MYBPC1: variants seen among roughly 807,000 people sequenced by gnomAD.
MYBPC1 encodes myosin binding protein C1, also known as myosin-binding protein C, slow-type.
A neutral mutation model predicts 147.1 loss-of-function variants in MYBPC1; 52 were observed. The observed-to-expected ratio is 0.35, with a 90% CI of 0.28 to 0.45. The LOEUF (loss-of-function observed/expected upper bound fraction) is 0.45. Ranked by LOEUF, MYBPC1 falls within the 20% of genes least tolerant of loss-of-function variation. The pLI is 1.00. For missense variants in MYBPC1, 1,228 were observed against 1,440.3 expected (o/e 0.85, Z 2.39); for synonymous variants, 477 against 475.9 (o/e 1.00, Z -0.03).
chr12:101,628,073 C>G (rs1007991553), intron 5 of MYBPC1: 4 of 408,408 alleles, frequency 9.8e-6, no homozygotes, highest in Non-Finnish European at 1.8e-5. Flanking sequence ...AGAGATCAAT[C>G]TTCATTTTGG....
At chr12:101,608,704 G>T (rs980988496) in intron 1 of MYBPC1, among the ~76,000 whole-genome samples, 1 of 152,186 alleles carries the variant, frequency 6.6e-6, no homozygotes, top group East Asian at 1.9e-4. Context: ...GTTTTGGGGA[G>T]CCCCGATTTT....
chr12:101,674,492 C>T (rs1382262664), intron 25 of MYBPC1, among the ~76,000 whole-genome samples: 1 of 152,050 alleles, frequency 6.6e-6, no homozygotes, highest in Admixed American at 6.6e-5. Flanking sequence ...TTACTTCTGT[C>T]CAGAGTCAGG....
chr12:101,685,536 A>G (rs986878163), intron 31 of MYBPC1, 46 bp from the exon 32 acceptor site: 2 of 1,316,714 alleles, frequency 1.5e-6, no homozygotes, highest in African/African-American at 1.5e-5. Flanking sequence ...GCGATTTTTC[A>G]GGTAGATGGT....
At chr12:101,684,468 A>G (rs1412938773) in intron 31 of MYBPC1, 44 bp downstream of exon 31, 1 of 1,443,586 alleles carries the variant, frequency 6.9e-7, no homozygotes, top group African/African-American at 1.4e-5. Context: ...TATGACTGTC[A>G]TAAGCCATAC....
intron 7 of MYBPC1, 84 bp from the exon 8 acceptor site, chr12:101,631,937 C>G (rs1329641906): frequency 7.4e-7 from 1 of 1,347,236 alleles, no homozygotes; most frequent in African/African-American, 1.4e-5. Context: ...CTGGAATTCC[C>G]ACAGACAGAC....
rs556316923 is a variant in MYBPC1 at position 101,661,809 on chromosome 12, T to C, written c.2032+547T>C. 4.7e-5 allele frequency among the ~76,000 whole-genome samples: 7 copies of C among 149,820 alleles called. No individual in the cohort carries two copies. In the South Asian group the frequency reaches 1.5e-3, roughly 32 times the overall value. ...TACTCAGGAGGCTGAGGTGGGAGGATCACTTGGGCCCTGGGGCGTGGAGGT... is the reference window on the plus strand; with the variant it reads ...TACTCAGGAGGCTGAGGTGGGAGGACCACTTGGGCCCTGGGGCGTGGAGGT... On this transcript the variant is annotated intron_variant, in intron 20 of 31. Transcript: ENST00000361466.
At chr12:101,654,360 A>G (rs1237175318) in intron 18 of MYBPC1, among the ~76,000 whole-genome samples, 1 of 152,246 alleles carries the variant, frequency 6.6e-6, no homozygotes, top group Non-Finnish European at 1.5e-5. Context: ...ATGGGTTTCA[A>G]GACATTGGAC....
chr12:101,622,697 T>C (rs1021672951), intron 3 of MYBPC1, among the ~76,000 whole-genome samples: 2 of 152,004 alleles, frequency 1.3e-5, no homozygotes, highest in African/African-American at 2.4e-5. Flanking sequence ...ATGGTGCCAC[T>C]GCACTCCAGC....
Position 101,649,356 on chromosome 12 carries a change from A to G in MYBPC1, c.1293A>G (p.Thr431=). 1.2e-6 allele frequency: 2 copies of G among 1,614,052 alleles called. No homozygotes were observed. The highest frequency in any genetic ancestry group is 1.7e-6 in the Non-Finnish European group (2 of 1,179,912). The part of the protein sequence containing the change: ...KKHILIIEGA[T]KADAAEYSVM... ...ACATCTTGATCATAGAGGGAGCAAC[A>G]AAGGCTGATGCTGCAGAATATTCAG... The change falls in exon 15 of 32, where the codon ACA becomes ACG. Residue 431 remains threonine, a synonymous_variant. Coordinates refer to ENST00000361466, the MANE Select transcript of MYBPC1 (RefSeq NM_002465.4).
intron 1 of MYBPC1, among the ~76,000 whole-genome samples, chr12:101,604,756 A>G (rs988728172): frequency 2.6e-5 from 4 of 152,196 alleles, no homozygotes; most frequent in Middle Eastern, 3.4e-3. Context: ...TAGCTTTCCT[A>G]CTTTATCCCT....
chr12:101,679,218 T>C (rs1406780627), intron 28 of MYBPC1, among the ~76,000 whole-genome samples: 4 of 151,298 alleles, frequency 2.6e-5, no homozygotes, highest in African/African-American at 9.7e-5. Flanking sequence ...GCTGAACTAA[T>C]GTTTACTTGG....
intron 1 of MYBPC1, among the ~76,000 whole-genome samples, chr12:101,604,819 G>C (rs1205595191): frequency 6.6e-6 from 1 of 152,146 alleles, no homozygotes; most frequent in East Asian, 1.9e-4. Flanking sequence ...ATATGAAACT[G>C]TTCCCCTCAC....
intron 12 of MYBPC1, among the ~76,000 whole-genome samples, chr12:101,645,129 A>G (rs1195664680): frequency 2.0e-5 from 3 of 152,312 alleles, no homozygotes; most frequent in African/African-American, 4.8e-5. Flanking sequence ...CTTGCAATCC[A>G]TATTTGATAT....
intron 30 of MYBPC1, among the ~76,000 whole-genome samples, chr12:101,683,910 T>C (rs1451245775): frequency 2.0e-5 from 3 of 152,214 alleles, no homozygotes; most frequent in East Asian, 1.9e-4. Flanking sequence ...TACAATATTA[T>C]AGAATACACT....
At position 101,649,571 on chromosome 12, in the gene MYBPC1, T is replaced by A. The variant is rs11110914; in HGVS notation, c.1363+145T>A. Reference sequence around the variant, plus strand: ...GGATTTCATTCCAGCTAAGTGTCTATGTCAGATCAATCAGGATATTTAAGG... The same window carrying A: ...GGATTTCATTCCAGCTAAGTGTCTAAGTCAGATCAATCAGGATATTTAAGG... On this transcript the variant is annotated intron_variant, in intron 15 of 31. Coordinates refer to ENST00000361466, the MANE Select transcript of MYBPC1 (RefSeq NM_002465.4). 232,197 of 934,420 alleles carry A rather than the reference T, an allele frequency of 0.25. 30,951 individuals are homozygous for A. Among genetic ancestry groups the A allele is most frequent in the Middle Eastern group, 0.31 (1,038 of 3,300 alleles). The allele number at this position is 934,420 out of a possible 1,614,324, so 57.9% of individuals were successfully genotyped here.
At chr12:101,682,886 C>T (rs1951106385) in intron 30 of MYBPC1, among the ~76,000 whole-genome samples, 1 of 152,098 alleles carries the variant, frequency 6.6e-6, no homozygotes, top group Non-Finnish European at 1.5e-5. Flanking sequence ...CATACCATAC[C>T]ACAAGTCTCC....
intron 5 of MYBPC1, among the ~76,000 whole-genome samples, chr12:101,628,490 A>G (rs926592187): frequency 7.9e-5 from 12 of 152,330 alleles, no homozygotes; most frequent in Admixed American, 2.6e-4. Context: ...ACAGATAGAA[A>G]TATCAAGCAT....
chr12:101,619,726 G>A (rs1397144182), intron 3 of MYBPC1, among the ~76,000 whole-genome samples: 1 of 152,106 alleles, frequency 6.6e-6, no homozygotes, highest in Admixed American at 6.5e-5. Context: ...GGTCTTGCCT[G>A]GATTTTGGTA....
intron 10 of MYBPC1, among the ~76,000 whole-genome samples, chr12:101,641,012 TGA>T (rs1265426694): frequency 6.6e-6 from 1 of 150,482 alleles, no homozygotes; most frequent in Non-Finnish European, 1.5e-5. Context: ...CTTGGGAGAC[TGA>T]GGCAGGAGAA....
Sources: gnomAD v4.1 joint callset for allele counts (sites outside exome capture counted in the v4.1 genomes callset) on GRCh38, gnomAD v4.1.1 for gene constraint, MANE v1.5 for transcripts, NCBI Gene and HGNC (gene_info 2026-07-23, HGNC 2026-07-21) for gene names.